The following NRXN3 variants were observed in gnomAD, a reference collection of about 807,000 sequenced individuals.
NRXN3 encodes neurexin III.
In NRXN3, 32 loss-of-function variants were observed where a neutral mutation model predicts 137.6. The ratio of observed to expected loss-of-function variants is 0.23; its 90% CI spans 0.18 to 0.31. NRXN3 has a LOEUF of 0.31. Ranked by LOEUF, NRXN3 falls within the 10% of genes least tolerant of loss-of-function variation. NRXN3 has a pLI of 1.00. For synonymous variants in NRXN3, 798 were observed against 784.5 expected, an observed-to-expected ratio of 1.02 and a Z score of -0.29; for missense variants, 1,574 against 2,062.5, an observed-to-expected ratio of 0.76 and a Z score of 4.59.
chr14:78,662,805 A>G (rs1160444040), intron 6 of NRXN3, among the ~76,000 whole-genome samples: 1 of 152,182 alleles, frequency 6.6e-6, no homozygotes, highest in Non-Finnish European at 1.5e-5. Context: ...TTGTGGTAAG[A>G]GTTGAGGTTC....
At chr14:78,371,601 T>C (rs1237365500) in intron 4 of NRXN3, among the ~76,000 whole-genome samples, 1 of 152,188 alleles carries the variant, frequency 6.6e-6, no homozygotes, top group African/African-American at 2.4e-5. Flanking sequence ...AGAGCATTAG[T>C]TGTAACACAC....
chr14:78,941,775 G>A (rs1230802085), intron 10 of NRXN3, among the ~76,000 whole-genome samples: 1 of 152,294 alleles, frequency 6.6e-6, no homozygotes, highest in Non-Finnish European at 1.5e-5. Flanking sequence ...AGTACAAAGT[G>A]TAACAATGAC....
At chr14:78,955,467 T>G (rs1045177549) in intron 10 of NRXN3, among the ~76,000 whole-genome samples, 1 of 152,182 alleles carries the variant, frequency 6.6e-6, no homozygotes, top group Non-Finnish European at 1.5e-5. Context: ...CAAAGCAAGA[T>G]AAGCTGAGAT....
chr14:79,811,090 A>G (rs917200321), intron 20 of NRXN3, among the ~76,000 whole-genome samples: 1 of 152,224 alleles, frequency 6.6e-6, no homozygotes, highest in Non-Finnish European at 1.5e-5. Context: ...TCATGTTAAA[A>G]TTTCATTAGT....
chr14:78,272,043 G>A (rs1036910956), intron 2 of NRXN3, among the ~76,000 whole-genome samples: 29 of 152,130 alleles, frequency 1.9e-4, no homozygotes, highest in Middle Eastern at 3.2e-3. Context: ...CTTTCCTGGG[G>A]GCAGGAGTCA....
rs113557387 is a variant in NRXN3, at chr14:79,587,897, A to T, written c.3445-75881A>T. 5.7e-3 allele frequency among the ~76,000 whole-genome samples: 865 copies of T among 152,318 alleles called. 8 individuals carry two copies. Among genetic ancestry groups the T allele is most frequent in the African/African-American group, 0.02 (843 of 41,574 alleles). ...CACTTTAAGAGGTGATCTGAGTTCA[A>T]ATTCCCTAAATTATATTTGCATTTG... On this transcript the variant is annotated intron_variant, in intron 16 of 20. Transcript: ENST00000335750.
At chr14:79,231,564 G>A (rs186596510) in intron 15 of NRXN3, among the ~76,000 whole-genome samples, 142 of 152,264 alleles carry the variant, frequency 9.3e-4, no homozygotes, top group Non-Finnish European at 1.5e-3. Context: ...ATGCTAATTT[G>A]TTTCTCCAGG....
chr14:78,968,239 G>A lies in NRXN3; in HGVS notation c.3035G>A (p.Arg1012Gln), dbSNP rs770859781. 5.6e-6 allele frequency: 9 copies of A among 1,614,030 alleles called. No individual in the cohort carries two copies. The Admixed American group carries it at 8.3e-5, about 15-fold the overall frequency. The stretch of plus-strand genomic sequence containing the variant: ...AACCTCCCAAAGCTCGTGGCCTCTC[G>A]AGATGGCTTTCAGGGCTGTCTAGCA... ...YSNLPKLVAS[R>Q]DGFQGCLASV... The change falls in exon 14 of 21, where the codon CGA becomes CAA. Residue 1012 changes from arginine (R) to glutamine (Q), a missense_variant. By Grantham distance (43) the Arg-to-Gln change is conservative. Coordinates refer to ENST00000335750, the MANE Select transcript of NRXN3 (RefSeq NM_001330195.2).
intron 4 of NRXN3, among the ~76,000 whole-genome samples, chr14:78,626,803 C>T (rs182036146): frequency 5.9e-5 from 9 of 152,248 alleles, no homozygotes; most frequent in Non-Finnish European, 1.3e-4. Flanking sequence ...TCAGAGAGCA[C>T]TGAGGCCTAG....
chr14:79,663,750 C>T (rs746839058), intron 16 of NRXN3, 28 bp from the exon 17 acceptor site: 1 of 1,604,382 alleles, frequency 6.2e-7, no homozygotes. Flanking sequence ...TTGGTGATAA[C>T]TATGCCTTTT....
chr14:79,075,766 G>A (rs1051895678), intron 15 of NRXN3, among the ~76,000 whole-genome samples: 3 of 152,146 alleles, frequency 2.0e-5, no homozygotes, highest in South Asian at 2.1e-4. Flanking sequence ...TTTATTTCAA[G>A]TAGCTTTACA....
chr14:79,569,889 G>A (rs374496182), intron 16 of NRXN3, among the ~76,000 whole-genome samples: 1 of 152,216 alleles, frequency 6.6e-6, no homozygotes, highest in African/African-American at 2.4e-5. Context: ...GCTTACAGGC[G>A]TGAGCCACTG....
intron 8 of NRXN3, among the ~76,000 whole-genome samples, chr14:78,720,689 C>T (rs543042350): frequency 6.6e-6 from 1 of 152,308 alleles, no homozygotes; most frequent in South Asian, 2.1e-4. Context: ...CTTATCACTT[C>T]TTTGGACAAC....
chr14:79,858,999 A>G (rs1217566322), intron 20 of NRXN3, among the ~76,000 whole-genome samples: 1 of 138,970 alleles, frequency 7.2e-6, no homozygotes, highest in Middle Eastern at 3.5e-3. Flanking sequence ...AAAAAAAAAA[A>G]ACAGGTGTCT....
intron 4 of NRXN3, among the ~76,000 whole-genome samples, chr14:78,512,659 G>A (rs1463503167): frequency 2.0e-5 from 3 of 152,154 alleles, no homozygotes; most frequent in South Asian, 2.1e-4. Context: ...GTCACTTTTA[G>A]TTTATTTGTT....
At chr14:79,325,659 T>C (rs2090744177) in intron 15 of NRXN3, among the ~76,000 whole-genome samples, 1 of 152,230 alleles carries the variant, frequency 6.6e-6, no homozygotes, top group Non-Finnish European at 1.5e-5. Flanking sequence ...GTTGCTTGCA[T>C]GCACATGCTT....
intron 16 of NRXN3, among the ~76,000 whole-genome samples, chr14:79,578,529 C>A (rs2097686539): frequency 6.6e-6 from 1 of 152,162 alleles, no homozygotes; most frequent in Non-Finnish European, 1.5e-5. Flanking sequence ...CACCATAAGT[C>A]ACATTGTCAG....
At chr14:79,823,390 C>T (rs182468902) in intron 20 of NRXN3, among the ~76,000 whole-genome samples, 9 of 151,798 alleles carry the variant, frequency 5.9e-5, no homozygotes, top group African/African-American at 1.4e-4. Context: ...AGGTGGTGAC[C>T]GATATTTTGA....
intron 15 of NRXN3, among the ~76,000 whole-genome samples, chr14:79,311,920 G>T (rs1566761680): frequency 1.1e-4 from 1 of 9,438 alleles, no homozygotes; most frequent in Non-Finnish European, 2.1e-4. Context: ...AGGGTTTTTT[G>T]TGTCTCTATT....
Sources: allele counts gnomAD v4.1 joint callset (sites outside exome capture counted in the v4.1 genomes callset), GRCh38; gene constraint gnomAD v4.1.1; transcripts MANE v1.5; gene names NCBI Gene and HGNC (gene_info 2026-07-23, HGNC 2026-07-21).